The following PPP2R2C variants were observed in gnomAD, a reference collection of about 807,000 sequenced individuals.
PPP2R2C encodes protein phosphatase 2, regulatory subunit B, gamma.
PPP2R2C carries 10 observed loss-of-function variants against 45.3 expected under a neutral mutation model. The ratio of observed to expected loss-of-function variants is 0.22; its 90% CI spans 0.14 to 0.37. The LOEUF (loss-of-function observed/expected upper bound fraction) is 0.37. Among genes scored for constraint, PPP2R2C ranks in the 10% least tolerant of loss-of-function variants. PPP2R2C has a pLI of 1.00. For missense variants in PPP2R2C, 308 were observed against 619.7 expected (o/e 0.50, Z 5.34); for synonymous variants, 257 against 245.4 (o/e 1.05, Z -0.44).
At chr4:6,517,641 C>T (rs1033123459) in intron 2 of PPP2R2C, among the ~76,000 whole-genome samples, 5 of 152,202 alleles carry the variant, frequency 3.3e-5, no homozygotes, top group Non-Finnish European at 5.9e-5. Context: ...AATTACCCTG[C>T]GGCTCTTTGG....
intron 1 of PPP2R2C, chr4:6,414,047 T>A: frequency 3.3e-6 from 5 of 1,513,042 alleles, no homozygotes; most frequent in Non-Finnish European, 4.4e-6. Flanking sequence ...GAATTATGCA[T>A]GGGACAGTAA....
At chr4:6,375,504 G>A (rs1443887290) in intron 4 of PPP2R2C, among the ~76,000 whole-genome samples, 1 of 152,138 alleles carries the variant, frequency 6.6e-6, no homozygotes, top group East Asian at 1.9e-4. Context: ...CTCTCTCTGG[G>A]CCTCAGTTTC....
intron 6 of PPP2R2C, among the ~76,000 whole-genome samples, chr4:6,339,595 C>T (rs529486610): frequency 1.2e-4 from 19 of 152,324 alleles, no homozygotes; most frequent in Admixed American, 6.5e-5. Flanking sequence ...GGGTGGAGGC[C>T]GATTGGGTTC....
chr4:6,414,466 G>C (rs1165702341), intron 1 of PPP2R2C, among the ~76,000 whole-genome samples: 2 of 152,114 alleles, frequency 1.3e-5, no homozygotes, highest in Non-Finnish European at 2.9e-5. Flanking sequence ...GGCGGGAGGA[G>C]CATCAGGCAA....
At position 6,324,406 on chromosome 4, in the gene PPP2R2C, G is replaced by A. The variant is rs1731776522; in HGVS notation, c.1053-813C>T. Among the ~76,000 whole-genome samples, 1 of 151,718 alleles carries A rather than the reference G, an allele frequency of 6.6e-6. No individual in the cohort carries two copies. ...AGATCGCGCCACTGCACTCCAGCCTGGGCAATAAGAGCAAAACTCCGTCTC... is the reference window on the plus strand; with the variant it reads ...AGATCGCGCCACTGCACTCCAGCCTAGGCAATAAGAGCAAAACTCCGTCTC... On this transcript the variant is annotated intron_variant, in intron 8 of 8. Transcript: ENST00000382599. The surrounding 1 kb of genome is among the most constrained non-coding windows in gnomAD (Gnocchi z 4.1).
At chr4:6,511,867 G>T (rs1406797790) in intron 2 of PPP2R2C, among the ~76,000 whole-genome samples, 1 of 38,742 alleles carries the variant, frequency 2.6e-5, no homozygotes, top group Non-Finnish European at 5.6e-5. Context: ...GGTGGTGATG[G>T]TGGTGGTGGT....
At position 6,368,200 on chromosome 4, in the gene PPP2R2C, C is replaced by T. The variant is rs1418170781; in HGVS notation, c.625+4323G>A. Among the ~76,000 whole-genome samples the T allele has an allele frequency of 6.6e-6, 1 of 152,192 alleles. No homozygotes were observed. The highest frequency in any genetic ancestry group is 1.5e-5 in the Non-Finnish European group (1 of 68,038). On this transcript the variant is annotated intron_variant, in intron 5 of 8. Coordinates refer to ENST00000382599, the MANE Select transcript of PPP2R2C (RefSeq NM_020416.4). The surrounding 1 kb of genome is among the most constrained non-coding windows in gnomAD (Gnocchi z 4.2). ...ATTTTCACTCTCTTGCACACACCAT[C>T]AGCTCCGTGTCTACATCCTCACTTG... is the stretch of plus-strand genomic sequence containing the variant.
At position 6,321,371 on chromosome 4, in the gene PPP2R2C, A is replaced by T. The variant is rs1285764708; in HGVS notation, c.*1931T>A. 1 of 152,608 alleles carries T rather than the reference A, an allele frequency of 6.6e-6. No homozygotes were observed. The highest frequency in any genetic ancestry group is 1.5e-5 in the Non-Finnish European group (1 of 68,046). 9.5% of individuals were successfully genotyped at this position (152,608 alleles called of 1,614,324 possible). Reference sequence around the variant, plus strand: ...TCTCGAACCTCTTTACAAGGGGGAAAAAAGTAATCCAATCCTTTGATTGTT... The same window carrying T: ...TCTCGAACCTCTTTACAAGGGGGAATAAAGTAATCCAATCCTTTGATTGTT... On this transcript the variant is annotated 3_prime_UTR_variant, in exon 9 of 9. Transcript: ENST00000382599.
intron 1 of PPP2R2C, among the ~76,000 whole-genome samples, chr4:6,385,030 A>G (rs1215935185): frequency 2.0e-5 from 3 of 152,190 alleles, no homozygotes. Context: ...GGAGGGAGGA[A>G]GAGAAGACGA....
chr4:6,374,110 C>T (rs1320228193), intron 4 of PPP2R2C, among the ~76,000 whole-genome samples: 3 of 152,160 alleles, frequency 2.0e-5, no homozygotes, highest in Non-Finnish European at 4.4e-5. Flanking sequence ...TCCCTTCCTT[C>T]GGGGTGCAGC....
chr4:6,504,854 G>A (rs1241697070), intron 2 of PPP2R2C, among the ~76,000 whole-genome samples: 1 of 152,046 alleles, frequency 6.6e-6, no homozygotes, highest in Non-Finnish European at 1.5e-5. Flanking sequence ...TGTCAAAGAA[G>A]GTGACAAAAG....
In PPP2R2C at chr4:6,329,378, G is replaced by C. The variant is rs1392856516; in HGVS notation, c.961-25C>G. 1 of 1,597,540 alleles carries C rather than the reference G, an allele frequency of 6.3e-7. No individual in the cohort carries two copies. Among genetic ancestry groups the C allele is most frequent in the South Asian group, 1.1e-5 (1 of 90,622 alleles). On this transcript the variant is annotated intron_variant, in intron 7 of 8. Coordinates refer to ENST00000382599, the MANE Select transcript of PPP2R2C (RefSeq NM_020416.4). The surrounding 1 kb of genome is among the most constrained non-coding windows in gnomAD (Gnocchi z 5.8). ...CCTGGTGGGATAAGGGATGAGGTGA[G>C]TGGACGGGGCGTCCCGACCATCCTG...
intron 1 of PPP2R2C, chr4:6,421,243 G>T: frequency 1.8e-6 from 1 of 567,986 alleles, no homozygotes; most frequent in Non-Finnish European, 2.2e-6. Context: ...TCAGGGCTGT[G>T]CATTCAATCA....
chr4:6,333,478 C>T, intron 7 of PPP2R2C, 84 bp downstream of exon 7: 1 of 1,490,376 alleles, frequency 6.7e-7, no homozygotes, highest in Non-Finnish European at 9.1e-7. Flanking sequence ...GAAAGCCACG[C>T]CTGGCTAGGA....
chr4:6,528,810 T>C (rs906442731), intron 2 of PPP2R2C, among the ~76,000 whole-genome samples: 1 of 152,168 alleles, frequency 6.6e-6, no homozygotes, highest in Admixed American at 6.5e-5. Context: ...ACTGAGCACC[T>C]TGTGACCCCC....
rs115100644 is a variant in PPP2R2C at position 6,404,535 on chromosome 4, C to T, written c.71-23441G>A. ...TCAGTTATGAAGCACCCAGGTAGCACGCTTCTCACTCTAAAGGTTTGGAGG... is the reference window on the plus strand; with the variant it reads ...TCAGTTATGAAGCACCCAGGTAGCATGCTTCTCACTCTAAAGGTTTGGAGG... On this transcript the variant is annotated intron_variant, in intron 1 of 8. Transcript: ENST00000382599. 5.0e-3 allele frequency among the ~76,000 whole-genome samples: 768 copies of T among 152,274 alleles called. 3 individuals are homozygous for T. The highest frequency in any genetic ancestry group is 0.018 in the African/African-American group (731 of 41,550).
intron 1 of PPP2R2C, among the ~76,000 whole-genome samples, chr4:6,449,393 C>T (rs1720616245): frequency 6.6e-6 from 1 of 152,214 alleles, no homozygotes; most frequent in Admixed American, 6.5e-5. Flanking sequence ...TGCACCTCCA[C>T]ATGCTCTCAA....
At chr4:6,400,576 T>A (rs1338487789) in intron 1 of PPP2R2C, among the ~76,000 whole-genome samples, 1 of 152,146 alleles carries the variant, frequency 6.6e-6, no homozygotes, top group Non-Finnish European at 1.5e-5. Context: ...TAAAAGTACA[T>A]TGGGTGATTT....
chr4:6,325,164 C>A (rs1289468383), intron 8 of PPP2R2C, among the ~76,000 whole-genome samples: 1 of 152,180 alleles, frequency 6.6e-6, no homozygotes, highest in African/African-American at 2.4e-5. Context: ...CCCTGACATG[C>A]GCACTCTCTT....
Sources: allele counts gnomAD v4.1 joint callset (sites outside exome capture counted in the v4.1 genomes callset), GRCh38; gene constraint gnomAD v4.1.1; non-coding constraint Gnocchi (gnomAD v3.1); transcripts MANE v1.5; gene names NCBI Gene and HGNC (gene_info 2026-07-23, HGNC 2026-07-21).